Variants in TRMT9B observed in about 807,000 individuals in gnomAD.
TRMT9B encodes tRNA methyltransferase 9B (putative).
A neutral mutation model predicts 11.5 loss-of-function variants in TRMT9B; 16 were observed. The ratio of observed to expected loss-of-function variants is 1.39; its 90% CI spans 0.94 to 2.11. The LOEUF (loss-of-function observed/expected upper bound fraction) is 2.11, where lower values mean the gene tolerates loss of function less well. TRMT9B is among the 30% of genes most tolerant of loss of function. The pLI, the probability that TRMT9B is intolerant of heterozygous loss-of-function variation, is 0.00. For missense variants in TRMT9B, 941 were observed against 553.8 expected, an observed-to-expected ratio of 1.70 and a Z score of -7.02; for synonymous variants, 274 against 192.4, an observed-to-expected ratio of 1.42 and a Z score of -3.51.
intron 2 of TRMT9B, among the ~76,000 whole-genome samples, chr8:12,994,379 G>C (rs907333331): frequency 6.6e-6 from 1 of 152,156 alleles, no homozygotes; most frequent in African/African-American, 2.4e-5. Context: ...TACTGATATT[G>C]ACTAGAAGGT....
rs145470394 is a variant in TRMT9B at position 12,978,304 on chromosome 8, C to A, written c.-199-12530C>A. Among the ~76,000 whole-genome samples, 600 of 152,310 alleles carry A rather than the reference C, an allele frequency of 3.9e-3. 1 individual carries two copies. Among genetic ancestry groups the A allele is most frequent in the African/African-American group, 0.014 (572 of 41,566 alleles). ...ATTATCGATCAGCCCAAGAACCATT[C>A]TATAAAATCTCCAGCAAGCCTTTGT... On this transcript the variant is annotated intron_variant, in intron 1 of 4. Coordinates refer to ENST00000524591, the MANE Select transcript of TRMT9B (RefSeq NM_020844.3).
At chr8:12,972,032 G>A (rs966354498) in intron 1 of TRMT9B, among the ~76,000 whole-genome samples, 4 of 152,096 alleles carry the variant, frequency 2.6e-5, no homozygotes, top group Non-Finnish European at 4.4e-5. Context: ...GCACAATAGC[G>A]CAAAAATACA....
chr8:12,988,019 A>T (rs1806633613), intron 1 of TRMT9B, among the ~76,000 whole-genome samples: 1 of 152,198 alleles, frequency 6.6e-6, no homozygotes, highest in African/African-American at 2.4e-5. Context: ...AACCTTCATA[A>T]GTCTGGGACC....
intron 2 of TRMT9B, among the ~76,000 whole-genome samples, chr8:12,996,628 T>C (rs1808390902): frequency 6.6e-6 from 1 of 152,224 alleles, no homozygotes; most frequent in South Asian, 2.1e-4. Flanking sequence ...TGAGAGAGGA[T>C]ACTCTGCTCA....
intron 1 of TRMT9B, among the ~76,000 whole-genome samples, chr8:12,966,387 C>A (rs1802829713): frequency 6.6e-6 from 1 of 152,086 alleles, no homozygotes; most frequent in South Asian, 2.1e-4. Context: ...CTGTATAATA[C>A]TTTGTCGTCT....
rs1813725931 is a variant in TRMT9B at position 13,021,010 on chromosome 8, A to T, written c.331A>T (p.Ile111Leu). Residue 111 changes from isoleucine to leucine, a missense_variant and splice_region_variant, in exon 5 of 5, where the codon ATA (isoleucine) becomes TTA (leucine). By Grantham distance (5) the Ile-to-Leu change is conservative. Transcript: ENST00000524591. ...GFDAIISIGV[I>L]HHFSTKQRRI... Reference sequence around the variant, plus strand: ...AGATCTAGTTTTGTCTTTTTCAGTCATACATCATTTTTCTACAAAACAAAG... The same window carrying T: ...AGATCTAGTTTTGTCTTTTTCAGTCTTACATCATTTTTCTACAAAACAAAG... 1.3e-6 allele frequency: 2 copies of T among 1,535,002 alleles called. No individual in the cohort carries two copies. Among genetic ancestry groups the T allele is most frequent in the Non-Finnish European group, 1.8e-6 (2 of 1,140,498 alleles).
chr8:13,002,305 C>G (rs1391283027), intron 2 of TRMT9B, among the ~76,000 whole-genome samples: 4 of 152,122 alleles, frequency 2.6e-5, no homozygotes. Flanking sequence ...CTTGCTTGTT[C>G]TAGTGTTCTC....
chr8:13,019,605 A>C (rs922158302), intron 4 of TRMT9B, among the ~76,000 whole-genome samples: 12 of 152,242 alleles, frequency 7.9e-5, no homozygotes, highest in Admixed American at 5.2e-4. Flanking sequence ...GGGAGATATT[A>C]ATGGCCCTTA....
intron 1 of TRMT9B, among the ~76,000 whole-genome samples, chr8:12,961,483 C>T (rs1301236192): frequency 1.3e-5 from 2 of 151,874 alleles, no homozygotes; most frequent in Non-Finnish European, 1.5e-5. Flanking sequence ...GGGCGGATCA[C>T]GAGGTCAGGA....
At chr8:12,954,226 G>A (rs919403096) in intron 1 of TRMT9B, among the ~76,000 whole-genome samples, 4 of 152,160 alleles carry the variant, frequency 2.6e-5, no homozygotes. Context: ...GAGATTGCAG[G>A]GGTTGTAAAG....
intron 1 of TRMT9B, among the ~76,000 whole-genome samples, chr8:12,987,774 C>T (rs967919276): frequency 2.0e-5 from 3 of 152,138 alleles, no homozygotes; most frequent in African/African-American, 7.2e-5. Flanking sequence ...GTGCTCAGAA[C>T]ATTTACATTA....
At chr8:12,997,659 G>C (rs546950604) in intron 2 of TRMT9B, among the ~76,000 whole-genome samples, 2 of 152,146 alleles carry the variant, frequency 1.3e-5, no homozygotes, top group African/African-American at 4.8e-5. Context: ...CACATGTGCA[G>C]TTTCCAGATT....
chr8:12,993,007 G>A (rs1180465230), intron 2 of TRMT9B, among the ~76,000 whole-genome samples: 2 of 152,242 alleles, frequency 1.3e-5, no homozygotes, highest in African/African-American at 2.4e-5. Flanking sequence ...TGATAGGAGA[G>A]CATTGCCGGT....
chr8:12,990,761 C>T (rs1563373574), intron 1 of TRMT9B, 73 bp from the exon 2 acceptor site: 3 of 1,004,514 alleles, frequency 3.0e-6, no homozygotes, highest in South Asian at 1.5e-5. Context: ...GTCAGGAAGT[C>T]AGCCTGGGCT....
intron 1 of TRMT9B, among the ~76,000 whole-genome samples, chr8:12,947,890 G>C (rs1368565968): frequency 1.3e-5 from 2 of 152,288 alleles, no homozygotes; most frequent in East Asian, 3.9e-4. Context: ...GGAAGCATTG[G>C]GGCTGCCTTG....
chr8:13,006,440 A>G (rs1810489552), intron 3 of TRMT9B, 84 bp downstream of exon 3: 1 of 1,555,362 alleles, frequency 6.4e-7, no homozygotes, highest in Non-Finnish European at 8.7e-7. Context: ...CATCGCTGAC[A>G]TAGGTAACCA....
intron 1 of TRMT9B, among the ~76,000 whole-genome samples, chr8:12,982,416 G>A (rs1198786429): frequency 6.6e-6 from 1 of 152,114 alleles, no homozygotes; most frequent in African/African-American, 2.4e-5. Context: ...AATCCCAGCA[G>A]TTTGGGATGC....
At chr8:13,011,483 G>C (rs911854266) in intron 3 of TRMT9B, 20 of 982,574 alleles carry the variant, frequency 2.0e-5, no homozygotes, top group South Asian at 9.4e-5. Context: ...AATTTCATCA[G>C]TAATGCCAAT....
Position 13,027,548 on chromosome 8 carries a change from A to C in TRMT9B, c.*5504A>C, listed in dbSNP as rs573996083. 1.8e-5 allele frequency: 3 copies of C among 167,168 alleles called. No homozygotes were observed. In the South Asian group the frequency reaches 6.2e-4, roughly 35 times the overall value. 10.4% of individuals were successfully genotyped at this position (167,168 alleles called of 1,614,324 possible). A position where few individuals can be genotyped will look rare whatever the true frequency, so the allele number is the denominator to read the frequency against. On this transcript the variant is annotated 3_prime_UTR_variant, in exon 5 of 5. Coordinates refer to ENST00000524591, the MANE Select transcript of TRMT9B (RefSeq NM_020844.3). ...ATAAAGTAACTCTGAATTATTTTTC[A>C]GTCTCATTTCCTGCAGTTGCACCCG...
Sources: gnomAD v4.1 joint callset for allele counts (sites outside exome capture counted in the v4.1 genomes callset) on GRCh38, gnomAD v4.1.1 for gene constraint, MANE v1.5 for transcripts, NCBI Gene and HGNC (gene_info 2026-07-23, HGNC 2026-07-21) for gene names.